Variants in WWOX observed in about 807,000 individuals in gnomAD.
WWOX encodes WW domain containing oxidoreductase, also known as WW domain-containing oxidoreductase.
Under a neutral mutation model 46.2 loss-of-function variants are expected in WWOX, and 69 were observed. The observed-to-expected ratio is 1.49, with a 90% CI of 1.23 to 1.82. The LOEUF (loss-of-function observed/expected upper bound fraction) is 1.82, where lower values mean the gene tolerates loss of function less well. Ranked by LOEUF, WWOX falls within the 40% of genes most tolerant of loss-of-function variation. The probability of loss-of-function intolerance (pLI) is 0.00; values close to 1 mark genes in which losing one functional copy is unlikely to be tolerated. For missense variants in WWOX, 919 were observed against 542.6 expected (o/e 1.69, Z -6.89); for synonymous variants, 359 against 202.6 (o/e 1.77, Z -6.56).
At chr16:79,031,891 T>G (rs1461168811) in intron 8 of WWOX, among the ~76,000 whole-genome samples, 4 of 68,276 alleles carry the variant, frequency 5.9e-5, no homozygotes, top group South Asian at 5.4e-4. Context: ...GATATCTGTA[T>G]ACAGATATCT....
At chr16:79,140,020 G>C (rs563487969) in intron 8 of WWOX, among the ~76,000 whole-genome samples, 2 of 152,144 alleles carry the variant, frequency 1.3e-5, no homozygotes, top group Non-Finnish European at 2.9e-5. Context: ...GCTTTGCTGC[G>C]CTGTCAGCAC....
At chr16:78,962,834 T>C (rs2046296717) in intron 8 of WWOX, among the ~76,000 whole-genome samples, 1 of 152,220 alleles carries the variant, frequency 6.6e-6, no homozygotes, top group Admixed American at 6.5e-5. Flanking sequence ...AGGTAACCAC[T>C]ATTCTGATTT....
At chr16:79,038,189 G>C (rs988373) in intron 8 of WWOX, among the ~76,000 whole-genome samples, 20,481 of 151,958 alleles carry the variant, frequency 0.13, 1,479 homozygotes, top group East Asian at 0.2. Context: ...TTTTTTGTCA[G>C]CTCACACCCT....
At chr16:78,383,325 G>C (rs2081994028) in intron 5 of WWOX, among the ~76,000 whole-genome samples, 1 of 152,116 alleles carries the variant, frequency 6.6e-6, no homozygotes, top group East Asian at 1.9e-4. Flanking sequence ...GGGGAAGCTG[G>C]ATGATGGGTA....
At chr16:78,122,427 A>G (rs2033142157) in intron 4 of WWOX, among the ~76,000 whole-genome samples, 1 of 152,306 alleles carries the variant, frequency 6.6e-6, no homozygotes, top group Non-Finnish European at 1.5e-5. Context: ...GGTCAAACCC[A>G]TAATTAAAAA....
chr16:78,666,187 T>C (rs1482881601), intron 8 of WWOX, among the ~76,000 whole-genome samples: 3 of 152,094 alleles, frequency 2.0e-5, no homozygotes, highest in Non-Finnish European at 4.4e-5. Flanking sequence ...CTCAGGAGGC[T>C]AAGGCAGGGG....
chr16:79,066,131 A>G (rs878960017), intron 8 of WWOX, among the ~76,000 whole-genome samples: 1 of 151,956 alleles, frequency 6.6e-6, no homozygotes, highest in Non-Finnish European at 1.5e-5. Context: ...CTGCCCAAGA[A>G]CCTTTTCATC....
intron 8 of WWOX, among the ~76,000 whole-genome samples, chr16:78,619,276 A>C (rs536380428): frequency 8.3e-6 from 1 of 120,336 alleles, no homozygotes; most frequent in African/African-American, 3.2e-5. Context: ...AGACATGAGA[A>C]TCGCTTGAAC....
intron 8 of WWOX, among the ~76,000 whole-genome samples, chr16:79,147,337 C>T (rs987836093): frequency 2.0e-5 from 3 of 152,184 alleles, no homozygotes; most frequent in Admixed American, 6.5e-5. Context: ...ATTATATAAG[C>T]AGAATAGCAT....
At chr16:78,234,930 A>G (rs1485245939) in intron 5 of WWOX, among the ~76,000 whole-genome samples, 1 of 151,850 alleles carries the variant, frequency 6.6e-6, no homozygotes, top group East Asian at 1.9e-4. Flanking sequence ...TTTCTAACTG[A>G]GGGATTAAGG....
chr16:78,570,071 T>C (rs932769550), intron 8 of WWOX, among the ~76,000 whole-genome samples: 2 of 152,208 alleles, frequency 1.3e-5, no homozygotes, highest in African/African-American at 4.8e-5. Flanking sequence ...AGTATTTTGT[T>C]GATTTATGTT....
intron 8 of WWOX, among the ~76,000 whole-genome samples, chr16:78,583,044 A>G (rs1002631289): frequency 6.6e-6 from 1 of 152,236 alleles, no homozygotes; most frequent in African/African-American, 2.4e-5. Flanking sequence ...CACAGAGTGA[A>G]GATGATTTCT....
intron 8 of WWOX, among the ~76,000 whole-genome samples, chr16:79,114,601 G>C (rs577622737): frequency 2.0e-5 from 3 of 151,984 alleles, no homozygotes; most frequent in Non-Finnish European, 4.4e-5. Context: ...GGAGCGCAGC[G>C]CCAGAGACAC....
At chr16:78,574,413 G>A (rs192951776) in intron 8 of WWOX, among the ~76,000 whole-genome samples, 35 of 152,234 alleles carry the variant, frequency 2.3e-4, no homozygotes, top group Non-Finnish European at 4.1e-4. Context: ...ACAACTTGAA[G>A]TATCTTCTCT....
chr16:78,110,824 C>G (rs910864502), intron 3 of WWOX, among the ~76,000 whole-genome samples: 2 of 152,112 alleles, frequency 1.3e-5, no homozygotes, highest in Non-Finnish European at 2.9e-5. Flanking sequence ...TTAAGGATCC[C>G]ACAGCAAAGA....
At chr16:78,259,290 A>G (rs768882378) in intron 5 of WWOX, among the ~76,000 whole-genome samples, 1 of 152,202 alleles carries the variant, frequency 6.6e-6, no homozygotes, top group Non-Finnish European at 1.5e-5. Flanking sequence ...AGCAGAGAAG[A>G]CACAATTTAG....
chr16:79,201,990 G>T (rs964429994), intron 8 of WWOX, among the ~76,000 whole-genome samples: 1 of 152,180 alleles, frequency 6.6e-6, no homozygotes, highest in Non-Finnish European at 1.5e-5. Flanking sequence ...TTTAATAACA[G>T]TCTTAATCGT....
chr16:79,040,380 T>A (rs145327515), intron 8 of WWOX, among the ~76,000 whole-genome samples: 10,977 of 150,386 alleles, frequency 0.073, 517 homozygotes, highest in African/African-American at 0.14. Context: ...GCCCAAGCGA[T>A]CCTCCTGCCT....
intron 8 of WWOX, among the ~76,000 whole-genome samples, chr16:79,026,293 C>T (rs902831811): frequency 6.6e-6 from 1 of 151,848 alleles, no homozygotes; most frequent in East Asian, 1.9e-4. Flanking sequence ...CTGCCTGCCA[C>T]AGGGCCTTTG....
Sources: allele counts gnomAD v4.1 joint callset (sites outside exome capture counted in the v4.1 genomes callset), GRCh38; gene constraint gnomAD v4.1.1; transcripts MANE v1.5; gene names NCBI Gene and HGNC (gene_info 2026-07-23, HGNC 2026-07-21).